PCLO: variants seen among roughly 807,000 people sequenced by gnomAD.
PCLO encodes the protein protein piccolo.
PCLO carries 82 observed loss-of-function variants against 427.5 expected under a neutral mutation model. The observed-to-expected ratio is 0.19, with a 90% CI of 0.16 to 0.23. PCLO has a LOEUF of 0.23. Ranked by LOEUF, PCLO falls within the 10% of genes least tolerant of loss-of-function variation. The probability of loss-of-function intolerance (pLI) is 1.00; values close to 1 mark genes in which losing one functional copy is unlikely to be tolerated. For missense variants in PCLO, 6,239 were observed against 6,115.9 expected, an observed-to-expected ratio of 1.02 and a Z score of -0.67; for synonymous variants, 2,357 against 2,155.4, an observed-to-expected ratio of 1.09 and a Z score of -2.59.
At chr7:82,906,739 C>G (rs1324897091) in intron 8 of PCLO, among the ~76,000 whole-genome samples, 1 of 151,878 alleles carries the variant, frequency 6.6e-6, no homozygotes, top group Non-Finnish European at 1.5e-5. Flanking sequence ...TGGCTGTTCA[C>G]TTTTAATCAG....
At chr7:82,990,761 G>A (rs905648452) in intron 3 of PCLO, among the ~76,000 whole-genome samples, 24 of 152,144 alleles carry the variant, frequency 1.6e-4, no homozygotes, top group Non-Finnish European at 2.4e-4. Context: ...ATGTGACTAT[G>A]CTCTCTGAGA....
chr7:82,820,104 T>G (rs1251935954), intron 20 of PCLO, among the ~76,000 whole-genome samples: 3 of 152,120 alleles, frequency 2.0e-5, no homozygotes, highest in Non-Finnish European at 4.4e-5. Flanking sequence ...GAGCTATGAG[T>G]TGAAGGTTGG....
chr7:82,855,221 G>C (rs1462702189), intron 10 of PCLO, among the ~76,000 whole-genome samples: 1 of 152,018 alleles, frequency 6.6e-6, no homozygotes, highest in Non-Finnish European at 1.5e-5. Flanking sequence ...CCATTTTTTA[G>C]GCTAATGTTA....
chr7:82,941,939 G>A (rs901318578), intron 6 of PCLO, among the ~76,000 whole-genome samples: 39 of 152,186 alleles, frequency 2.6e-4, no homozygotes, highest in African/African-American at 9.4e-4. Context: ...AACACTTTGG[G>A]AGGCCAAGAC....
intron 3 of PCLO, among the ~76,000 whole-genome samples, chr7:83,094,978 A>G (rs924103944): frequency 1.3e-5 from 2 of 152,308 alleles, no homozygotes; most frequent in Non-Finnish European, 2.9e-5. Context: ...TGCTAACTTC[A>G]CAAATGAAAT....
intron 3 of PCLO, among the ~76,000 whole-genome samples, chr7:83,036,794 T>C (rs1562932155): frequency 1.3e-5 from 2 of 152,102 alleles, no homozygotes; most frequent in Admixed American, 6.6e-5. Context: ...ACTAATTACA[T>C]TGCTCCTACC....
At chr7:83,033,747 T>C (rs1788727991) in intron 3 of PCLO, among the ~76,000 whole-genome samples, 1 of 152,202 alleles carries the variant, frequency 6.6e-6, no homozygotes, top group Admixed American at 6.5e-5. Context: ...GTACTACTTG[T>C]ACCACTTTGT....
intron 3 of PCLO, among the ~76,000 whole-genome samples, chr7:82,981,233 C>A (rs1796140119): frequency 6.6e-6 from 1 of 151,038 alleles, no homozygotes; most frequent in East Asian, 1.9e-4. Flanking sequence ...GATAAACTCA[C>A]CTGACCATTA....
At chr7:83,065,158 G>A (rs1789636426) in intron 3 of PCLO, among the ~76,000 whole-genome samples, 1 of 151,674 alleles carries the variant, frequency 6.6e-6, no homozygotes, top group Non-Finnish European at 1.5e-5. Flanking sequence ...TTAAAAACTT[G>A]TTGATGGCTC....
intron 3 of PCLO, among the ~76,000 whole-genome samples, chr7:83,098,428 A>AT (rs1399913758): frequency 6.6e-6 from 1 of 152,182 alleles, no homozygotes; most frequent in African/African-American, 2.4e-5. Context: ...ATAGACACCA[A>AT]GGGAATGCAA....
intron 22 of PCLO, among the ~76,000 whole-genome samples, chr7:82,792,478 C>T (rs1791123655): frequency 6.6e-6 from 1 of 151,938 alleles, no homozygotes; most frequent in Non-Finnish European, 1.5e-5. Context: ...AGGCATGGCG[C>T]CACCACACCC....
intron 20 of PCLO, among the ~76,000 whole-genome samples, chr7:82,815,031 AT>A (rs1157740290): frequency 3.0e-4 from 45 of 152,048 alleles, no homozygotes; most frequent in African/African-American, 9.2e-4. Context: ...ACTGAAAAAA[AT>A]ATCAAGTTTT....
intron 3 of PCLO, among the ~76,000 whole-genome samples, chr7:83,077,360 C>T (rs1324349353): frequency 6.6e-6 from 1 of 152,076 alleles, no homozygotes; most frequent in Non-Finnish European, 1.5e-5. Flanking sequence ...AAGGGGTCAT[C>T]ATAAACTCAT....
At chr7:83,063,954 T>C (rs374321386) in intron 3 of PCLO, among the ~76,000 whole-genome samples, 8 of 152,088 alleles carry the variant, frequency 5.3e-5, no homozygotes, top group Admixed American at 2.0e-4. Context: ...TGTGTAACAT[T>C]TGACTTATTG....
chr7:82,882,546 A>G (rs1358145625), intron 9 of PCLO, among the ~76,000 whole-genome samples: 3 of 152,216 alleles, frequency 2.0e-5, no homozygotes, highest in Non-Finnish European at 4.4e-5. Flanking sequence ...TTACTAAAAA[A>G]GAAAGTCATA....
At position 82,805,777 on chromosome 7, in the gene PCLO, C is replaced by T. The variant is rs200716996; in HGVS notation, c.14844G>A (p.Ser4948=). The T allele has an allele frequency of 4.9e-5, 79 of 1,610,062 alleles. No homozygotes were observed. In the African/African-American group the frequency reaches 6.4e-4, roughly 13 times the overall value. ...TATACCCACTGCCAAAGCTGCTGCC[C>T]GAGGAGCCGGTGGACACAGAGCTTT... ...PAESSVSTGS[S]GSSFGSGYSV... Residue 4948 remains serine (S), a synonymous_variant, in exon 21 of 25, where the codon TCG becomes TCA. Coordinates refer to ENST00000333891, the MANE Select transcript of PCLO (RefSeq NM_033026.6).
chr7:82,818,787 C>A (rs188854281), intron 20 of PCLO, among the ~76,000 whole-genome samples: 1 of 152,172 alleles, frequency 6.6e-6, no homozygotes, highest in Non-Finnish European at 1.5e-5. Flanking sequence ...AAATAACTAC[C>A]TCATCCACTT....
intron 10 of PCLO, among the ~76,000 whole-genome samples, chr7:82,855,673 A>C (rs1226621339): frequency 6.6e-6 from 1 of 152,162 alleles, no homozygotes; most frequent in Non-Finnish European, 1.5e-5. Flanking sequence ...ACAGAAATGA[A>C]TAAAATTTGA....
intron 6 of PCLO, among the ~76,000 whole-genome samples, chr7:82,920,465 T>C (rs1024672677): frequency 2.0e-5 from 3 of 151,746 alleles, no homozygotes; most frequent in South Asian, 4.1e-4. Context: ...TATTTTAAAA[T>C]ACCTGTGAAA....
Sources: allele counts gnomAD v4.1 joint callset (sites outside exome capture counted in the v4.1 genomes callset), GRCh38; gene constraint gnomAD v4.1.1; transcripts MANE v1.5; gene names NCBI Gene and HGNC (gene_info 2026-07-23, HGNC 2026-07-21).